Variants in PRRC2A observed in about 807,000 individuals in gnomAD.
PRRC2A encodes the protein protein PRRC2A.
A neutral mutation model predicts 224.6 loss-of-function variants in PRRC2A; 59 were observed. That is an observed-to-expected ratio of 0.26 (90% CI 0.21 to 0.33). PRRC2A has a LOEUF of 0.33. PRRC2A is among the 10% of genes least tolerant of loss of function. The pLI is 1.00. For synonymous variants in PRRC2A, 1,194 were observed against 1,109.5 expected (o/e 1.08, Z -1.51); for missense variants, 3,095 against 2,880.7 (o/e 1.07, Z -1.70).
At chr6:31,628,693 T>C (rs776216708) in intron 12 of PRRC2A, 10 of 211,566 alleles carry the variant, frequency 4.7e-5, no homozygotes, top group Non-Finnish European at 7.6e-5. Flanking sequence ...ATACAAAAAT[T>C]AGCCAAGTGT....
chr6:31,625,065 T>C lies in PRRC2A; in HGVS notation c.464-106T>C. 7.6e-7 allele frequency: 1 copy of C among 1,321,504 alleles called. No individual in the cohort carries two copies. The highest frequency in any genetic ancestry group is 1.1e-6 in the Non-Finnish European group (1 of 950,882). The allele number at this position is 1,321,504 out of a possible 1,614,324, so 81.9% of individuals were successfully genotyped here. A position where few individuals can be genotyped will look rare whatever the true frequency, so the allele number is the denominator to read the frequency against. ...CGCCCGCCTCAGCCTCCCAGAGTGC[T>C]GGGATTACAGGCGTGAGCCACCGCG... On this transcript the variant is annotated intron_variant, in intron 5 of 30. Transcript: ENST00000376033. This position sits in a 1 kb window ranked among gnomAD's most constrained non-coding sequence, Gnocchi z 4.1.
Position 31,625,569 on chromosome 6 carries a change from C to T in PRRC2A, c.717C>T (p.Gly239=), listed in dbSNP as rs1775812623. ...CCCGGGGTGGGCTACAGCCTTCAGG[C>T]CCACCCCAGTTCCCTCCCTACCGCG... ...HDPRGGLQPS[G]PPQFPPYRGM... Residue 239 remains glycine (G), a synonymous_variant, in exon 7 of 31, where the codon GGC becomes GGT. Coordinates refer to ENST00000376033, the MANE Select transcript of PRRC2A (RefSeq NM_004638.4). This position sits in a 1 kb window ranked among gnomAD's most constrained non-coding sequence, Gnocchi z 4.1. The T allele has an allele frequency of 6.4e-7, 1 of 1,569,578 alleles. No homozygotes were observed. Among genetic ancestry groups the T allele is most frequent in the African/African-American group, 1.4e-5 (1 of 73,884 alleles).
chr6:31,626,704 GT>G, intron 9 of PRRC2A, 67 bp from the exon 10 acceptor site: 1 of 1,395,086 alleles, frequency 7.2e-7, no homozygotes, highest in Non-Finnish European at 9.9e-7. Flanking sequence ...TTGTTACATA[GT>G]TCCAGACTAC....
intron 1 of PRRC2A, among the ~76,000 whole-genome samples, chr6:31,621,980 T>C (rs965504885): frequency 6.6e-6 from 1 of 152,244 alleles, no homozygotes; most frequent in African/African-American, 2.4e-5. Flanking sequence ...TTCTCAGTTC[T>C]TCATATGGTA....
Position 31,629,934 on chromosome 6 carries a change from T to C in PRRC2A, c.2254+89T>C, listed in dbSNP as rs974305490. On this transcript the variant is annotated intron_variant, in intron 14 of 30. Transcript: ENST00000376033. ...GGGTCTTACTGTGACTCTGGTACGATAGGTTTTGCCCATCATAGTGATGAG... is the reference window on the plus strand; with the variant it reads ...GGGTCTTACTGTGACTCTGGTACGACAGGTTTTGCCCATCATAGTGATGAG... 4.0e-5 allele frequency: 62 copies of C among 1,557,356 alleles called. No individual in the cohort carries two copies. The African/African-American group carries it at 7.3e-4, about 18-fold the overall frequency.
Position 31,627,168 on chromosome 6 carries a change from C to CGGGAACTGGGGCCCCCCT in PRRC2A, c.1264_1281dup (p.Asn422_Gly427dup). On this transcript the variant is annotated inframe_insertion, in exon 11 of 31. Coordinates refer to ENST00000376033, the MANE Select transcript of PRRC2A (RefSeq NM_004638.4). The surrounding 1 kb of genome is among the most constrained non-coding windows in gnomAD (Gnocchi z 5.6). ...TACCCCCACCTCACCGGGGCCCCGC[C>CGGGAACTGGGGCCCCCCT]GGGAACTGGGGCCCCCCTGGGGACT... is the stretch of plus-strand genomic sequence containing the variant. The CGGGAACTGGGGCCCCCCT allele has an allele frequency of 1.2e-6, 2 of 1,612,882 alleles. No individual in the cohort carries two copies.
chr6:31,635,055 TG>T (rs1777160647), intron 21 of PRRC2A, 76 bp from the exon 22 acceptor site: 1 of 1,599,524 alleles, frequency 6.3e-7, no homozygotes, highest in African/African-American at 1.3e-5. Flanking sequence ...TTTTTCTCTC[TG>T]CGTGTGTGTT....
chr6:31,633,334 G>A (rs1776900765), intron 16 of PRRC2A, 45 bp from the exon 17 acceptor site: 1 of 1,575,638 alleles, frequency 6.3e-7, no homozygotes, highest in Non-Finnish European at 8.6e-7. Flanking sequence ...GTGGGAAAAA[G>A]TAACGATTTA....
At position 31,631,593 on chromosome 6, in the gene PRRC2A, G is replaced by A; in HGVS notation, c.2920G>A (p.Glu974Lys). The A allele has an allele frequency of 6.4e-7, 1 of 1,558,006 alleles. No individual in the cohort carries two copies. Among genetic ancestry groups the A allele is most frequent in the Non-Finnish European group, 8.6e-7 (1 of 1,156,960 alleles). The change falls in exon 16 of 31, where the codon GAA (glutamate) becomes AAA (lysine). Residue 974 changes from glutamate to lysine, a missense_variant. Coordinates refer to ENST00000376033, the MANE Select transcript of PRRC2A (RefSeq NM_004638.4). The surrounding 1 kb of genome is among the most constrained non-coding windows in gnomAD (Gnocchi z 4.5). ...LPPKPLEQGD[E>K]TPKPPKPDPL... is the part of the protein sequence containing the mutation. ...TCCCAAGCCCCTCGAACAGGGGGAT[G>A]AAACCCCCAAACCCCCAAAGCCAGA...
Position 31,627,793 on chromosome 6 carries a change from C to G in PRRC2A, c.1319C>G (p.Pro440Arg). The G allele has an allele frequency of 1.2e-6, 2 of 1,612,970 alleles. No individual in the cohort carries two copies. Among genetic ancestry groups the G allele is most frequent in the Non-Finnish European group, 1.7e-6 (2 of 1,179,980 alleles). The change falls in exon 12 of 31, where the codon CCA (proline) becomes CGA (arginine). Residue 440 changes from proline (P) to arginine (R), a missense_variant. Pro to Arg is a moderately radical substitution (Grantham distance 103). Coordinates refer to ENST00000376033, the MANE Select transcript of PRRC2A (RefSeq NM_004638.4). This position sits in a 1 kb window ranked among gnomAD's most constrained non-coding sequence, Gnocchi z 5.6. ...PDRGGPPCKP[P>R]APEDEDEAWR... Reference sequence around the variant, plus strand: ...CGTGGGGGTCCTCCCTGCAAGCCCCCAGCACCTGAAGATGAGGATGAGGCA... The same window carrying G: ...CGTGGGGGTCCTCCCTGCAAGCCCCGAGCACCTGAAGATGAGGATGAGGCA...
At chr6:31,634,096 C>T (rs1409727589) in intron 18 of PRRC2A, 107 bp downstream of exon 18, 2 of 1,572,412 alleles carry the variant, frequency 1.3e-6, no homozygotes, top group Admixed American at 2.1e-5. Context: ...TGTGTTTTTA[C>T]TCCAGAATTC....
chr6:31,635,247 C>G lies in PRRC2A; in HGVS notation c.5276C>G (p.Pro1759Arg), dbSNP rs142470358. The G allele has an allele frequency of 3.2e-5, 52 of 1,614,050 alleles. No homozygotes were observed. In the African/African-American group the frequency reaches 6.1e-4, roughly 19 times the overall value. The change falls in exon 22 of 31, where the codon CCA (proline) becomes CGA (arginine). Residue 1759 changes from proline (P) to arginine (R), a missense_variant. Physicochemically the swap from Pro to Arg is moderately radical, Grantham distance 103. Coordinates refer to ENST00000376033, the MANE Select transcript of PRRC2A (RefSeq NM_004638.4). ...CGGCCATCCCATCGACCTGGTCCCCCAGTCCAGTTTGGCACTAGTGACAAG... is the reference window on the plus strand; with the variant it reads ...CGGCCATCCCATCGACCTGGTCCCCGAGTCCAGTTTGGCACTAGTGACAAG... Reference protein sequence around the residue: ...PIRPSHRPGPPVQFGTSDKDS... With the variant: ...PIRPSHRPGPRVQFGTSDKDS...
At chr6:31,623,396 T>A (rs1775537133) in intron 2 of PRRC2A, among the ~76,000 whole-genome samples, 1 of 151,338 alleles carries the variant, frequency 6.6e-6, no homozygotes, top group Non-Finnish European at 1.5e-5. Context: ...GCCTCCTGAG[T>A]AGCTGGGATT....
intron 12 of PRRC2A, 116 bp downstream of exon 12, chr6:31,628,355 T>C: frequency 7.0e-7 from 1 of 1,430,836 alleles, no homozygotes; most frequent in Non-Finnish European, 9.2e-7. Flanking sequence ...TTTGGTTTAT[T>C]GGACTATCAG....
At chr6:31,630,500 G>A in intron 14 of PRRC2A, 91 bp from the exon 15 acceptor site, 2 of 1,303,200 alleles carry the variant, frequency 1.5e-6, no homozygotes, top group Non-Finnish European at 1.1e-6. Context: ...AGAGATGGAA[G>A]AGCTGACTTG....
At chr6:31,621,077 G>A (rs1013962744) in intron 1 of PRRC2A, among the ~76,000 whole-genome samples, 1 of 152,202 alleles carries the variant, frequency 6.6e-6, no homozygotes, top group South Asian at 2.1e-4. Context: ...AGGATCCGTA[G>A]TCTGCCCCTA....
rs1216455453 is a variant in PRRC2A, at chr6:31,630,585, C to T, written c.2255-6C>T. On this transcript the variant is annotated splice_polypyrimidine_tract_variant and splice_region_variant and intron_variant, in intron 14 of 30. Transcript: ENST00000376033. ...GATTATTTTTCTTTTTCTTTGGTTT[C>T]TTCAGGCCTAGTTCCCCGAGAGCGT... is the stretch of plus-strand genomic sequence containing the variant. 9 of 1,613,890 alleles carry T rather than the reference C, an allele frequency of 5.6e-6. No individual in the cohort carries two copies. The East Asian group carries it at 6.7e-5, about 12-fold the overall frequency.
At chr6:31,626,224 A>G (rs1775894482) in intron 9 of PRRC2A, 62 bp downstream of exon 9, 1 of 1,546,942 alleles carries the variant, frequency 6.5e-7, no homozygotes, top group Admixed American at 1.8e-5. Context: ...TGAGGAAAAA[A>G]AAATACAGGG....
intron 12 of PRRC2A, chr6:31,628,809 C>G (rs972557925): frequency 3.4e-6 from 1 of 297,140 alleles, no homozygotes; most frequent in South Asian, 5.0e-5. Flanking sequence ...CCATTGCACT[C>G]CAGCCTGGGT....
Sources: allele counts gnomAD v4.1 joint callset (sites outside exome capture counted in the v4.1 genomes callset), GRCh38; gene constraint gnomAD v4.1.1; non-coding constraint Gnocchi (gnomAD v3.1); transcripts MANE v1.5; gene names NCBI Gene and HGNC (gene_info 2026-07-23, HGNC 2026-07-21).